Variants in INPP5J observed in about 807,000 individuals in gnomAD.
INPP5J encodes phosphatidylinositol 4,5-bisphosphate 5-phosphatase A.
INPP5J carries 75 observed loss-of-function variants against 86.6 expected under a neutral mutation model. That is an observed-to-expected ratio of 0.87 (90% CI 0.72 to 1.05). The LOEUF (loss-of-function observed/expected upper bound fraction) is 1.05, where lower values mean the gene tolerates loss of function less well. INPP5J is among the 50% of genes least tolerant of loss of function. The probability of loss-of-function intolerance (pLI) is 0.00; values close to 1 mark genes in which losing one functional copy is unlikely to be tolerated. For missense variants in INPP5J, 1,229 were observed against 1,341.2 expected (o/e 0.92, Z 1.31); for synonymous variants, 540 against 550.0 (o/e 0.98, Z 0.25).
At chr22:31,132,549 G>A (rs1166124956) in intron 9 of INPP5J, among the ~76,000 whole-genome samples, 1 of 152,046 alleles carries the variant, frequency 6.6e-6, no homozygotes, top group Non-Finnish European at 1.5e-5. Flanking sequence ...AGAACAGCCT[G>A]GCCAACATGG....
At chr22:31,132,760 AG>A (rs1466210874) in intron 9 of INPP5J, among the ~76,000 whole-genome samples, 1 of 144,272 alleles carries the variant, frequency 6.9e-6, no homozygotes. Flanking sequence ...AAAAAAAAAA[AG>A]AGTCTCTGAG....
At position 31,134,678 on chromosome 22, in the gene INPP5J, A is replaced by G; in HGVS notation, c.*259A>G. The G allele has an allele frequency of 2.5e-6, 1 of 401,078 alleles. No individual in the cohort carries two copies. The highest frequency in any genetic ancestry group is 4.4e-6 in the Non-Finnish European group (1 of 227,600). 24.8% of individuals were successfully genotyped at this position (401,078 alleles called of 1,614,324 possible). A position where few individuals can be genotyped will look rare whatever the true frequency, so the allele number is the denominator to read the frequency against. Reference sequence around the variant, plus strand: ...CCAATCCTGGAGGTCATCCATTAGGAATTAAATTCTCCAGCCTCACTCTCG... The same window carrying G: ...CCAATCCTGGAGGTCATCCATTAGGGATTAAATTCTCCAGCCTCACTCTCG... On this transcript the variant is annotated 3_prime_UTR_variant, in exon 13 of 13. Transcript: ENST00000331075.
At position 31,126,711 on chromosome 22, in the gene INPP5J, A is replaced by G. The variant is rs1272883789; in HGVS notation, c.1484A>G (p.Asn495Ser). The G allele has an allele frequency of 3.1e-6, 5 of 1,613,304 alleles. No homozygotes were observed. The highest frequency in any genetic ancestry group is 1.7e-5 in the Admixed American group (1 of 60,018). ...ELFMDALGPFNFVLVSSVRMQ... is the reference protein window; with the variant it reads ...ELFMDALGPFSFVLVSSVRMQ... The stretch of plus-strand genomic sequence containing the variant: ...TTCATGGATGCGCTAGGGCCCTTCA[A>G]CTTCGTGCTGGTAACGCACCCCTCA... The change falls in exon 4 of 13, where the codon AAC (asparagine) becomes AGC (serine). Residue 495 changes from asparagine (N) to serine (S), a missense_variant. By Grantham distance (46) the Asn-to-Ser change is conservative. Coordinates refer to ENST00000331075, the MANE Select transcript of INPP5J (RefSeq NM_001284285.2).
At chr22:31,129,332 C>T (rs1602738530) in intron 9 of INPP5J, among the ~76,000 whole-genome samples, 3 of 150,076 alleles carry the variant, frequency 2.0e-5, no homozygotes, top group South Asian at 4.2e-4. Context: ...CCACCATCTC[C>T]TGGGTCCAAG....
chr22:31,130,528 AT>A (rs1264149296), intron 9 of INPP5J, among the ~76,000 whole-genome samples: 1 of 151,978 alleles, frequency 6.6e-6, no homozygotes, highest in Non-Finnish European at 1.5e-5. Flanking sequence ...AAAAAAAAAA[AT>A]TCACATATGC....
Position 31,133,190 on chromosome 22 carries a change from A to G in INPP5J, c.2286A>G (p.Glu762=), listed in dbSNP as rs747765592. Residue 762 remains glutamate, a synonymous_variant, in exon 10 of 13, where the codon GAA becomes GAG. Coordinates refer to ENST00000331075, the MANE Select transcript of INPP5J (RefSeq NM_001284285.2). ...AGGCGGTGGTGAGGTACCGCATGGA[A>G]ACAGTGTTCGCCCGCAGCTCCTGGG... ...PEQAVVRYRM[E]TVFARSSWDW... 9 of 1,600,238 alleles carry G rather than the reference A, an allele frequency of 5.6e-6. No individual in the cohort carries two copies. The highest frequency in any genetic ancestry group is 7.7e-6 in the Non-Finnish European group (9 of 1,174,318).
chr22:31,125,809 A>G lies in INPP5J; in HGVS notation c.1070A>G (p.Asn357Ser). Reference sequence around the variant, plus strand: ...AGCCGTTCCCCAAGCCACTCCCCGAATCGCTCTCCCTGTGTTCCCCCAGCC... The same window carrying G: ...AGCCGTTCCCCAAGCCACTCCCCGAGTCGCTCTCCCTGTGTTCCCCCAGCC... Reference protein sequence around the residue: ...SPSRSPSHSPNRSPCVPPAPD... With the variant: ...SPSRSPSHSPSRSPCVPPAPD... Residue 357 changes from asparagine to serine, a missense_variant, in exon 2 of 13, where the codon AAT becomes AGT. Asn to Ser is a conservative substitution (Grantham distance 46). Coordinates refer to ENST00000331075, the MANE Select transcript of INPP5J (RefSeq NM_001284285.2). 6.3e-7 allele frequency: 1 copy of G among 1,594,104 alleles called. No homozygotes were observed. Among genetic ancestry groups the G allele is most frequent in the Non-Finnish European group, 8.5e-7 (1 of 1,170,760 alleles).
At chr22:31,126,218 G>A (rs144190644) in intron 2 of INPP5J, 158 bp from the exon 3 acceptor site, 15,155 of 780,312 alleles carry the variant, frequency 0.019, 204 homozygotes, top group Non-Finnish European at 0.024. Flanking sequence ...CCCAGGGAGA[G>A]TGTGGCAGAG....
Position 31,134,179 on chromosome 22 carries a change from G to A in INPP5J, c.2781G>A (p.Arg927=), listed in dbSNP as rs1362659498. The change falls in exon 13 of 13, where the codon AGG becomes AGA. Residue 927 remains arginine (R), a synonymous_variant. Transcript: ENST00000331075. The part of the protein sequence containing the change: ...SRRLSRVAPD[R]SSNGSSRGSS... ...GCCTGTCCCGAGTGGCTCCTGACAG[G>A]AGCAGTAATGGCAGCAGCCGGGGCA... is the stretch of plus-strand genomic sequence containing the variant. 5 of 1,549,800 alleles carry A rather than the reference G, an allele frequency of 3.2e-6. No homozygotes were observed. The African/African-American group carries it at 4.1e-5, about 13-fold the overall frequency.
In INPP5J at chr22:31,122,969, G is replaced by C. The variant is rs1401547247; in HGVS notation, c.-46G>C. On this transcript the variant is annotated 5_prime_UTR_variant, in exon 1 of 13. Coordinates refer to ENST00000331075, the MANE Select transcript of INPP5J (RefSeq NM_001284285.2). Reference sequence around the variant, plus strand: ...ATCACTGGTTCCCGGGAGCGGTAGAGCTGGAGCCGGAGCCAAGGGAGTCCA... The same window carrying C: ...ATCACTGGTTCCCGGGAGCGGTAGACCTGGAGCCGGAGCCAAGGGAGTCCA... 7.8e-7 allele frequency: 1 copy of C among 1,277,502 alleles called. No homozygotes were observed. The highest frequency in any genetic ancestry group is 1.0e-6 in the Non-Finnish European group (1 of 970,368). 79.1% of individuals were successfully genotyped at this position (1,277,502 alleles called of 1,614,324 possible). A position where few individuals can be genotyped will look rare whatever the true frequency, so the allele number is the denominator to read the frequency against.
Position 31,134,357 on chromosome 22 carries a change from A to G in INPP5J, c.2959A>G (p.Asn987Asp). The change falls in exon 13 of 13, where the codon AAC becomes GAC. Residue 987 changes from asparagine to aspartate, a missense_variant. Physicochemically the swap from Asn to Asp is conservative, Grantham distance 23 (BLOSUM62 1). Transcript: ENST00000331075. ...WGPDREALAP[N>D]SLSPSPQGHR... ...ACCTGATCGGGAGGCCCTGGCGCCC[A>G]ACAGCCTGTCTCCTAGTCCCCAGGG... 6.5e-7 allele frequency: 1 copy of G among 1,531,586 alleles called. No homozygotes were observed. Among genetic ancestry groups the G allele is most frequent in the Non-Finnish European group, 8.8e-7 (1 of 1,138,992 alleles). The allele number at this position is 1,531,586 out of a possible 1,614,324, so 94.9% of individuals were successfully genotyped here.
Position 31,124,893 on chromosome 22 carries a change from C to T in INPP5J, c.154C>T (p.Pro52Ser), listed in dbSNP as rs770105615. 18 of 1,613,806 alleles carry T rather than the reference C, an allele frequency of 1.1e-5. No individual in the cohort carries two copies. The highest frequency in any genetic ancestry group is 7.6e-6 in the Non-Finnish European group (9 of 1,179,864). The change falls in exon 2 of 13, where the codon CCC becomes TCC. Residue 52 changes from proline to serine, a missense_variant. Transcript: ENST00000331075. The part of the protein sequence containing the change: ...LPAKKNAALG[P>S]SEPRLALAPV... ...AGCAAAGAAGAACGCAGCCCTAGGA[C>T]CCTCGGAACCAAGGTTGGCTCTGGC...
At chr22:31,132,333 G>C (rs1182776388) in intron 9 of INPP5J, among the ~76,000 whole-genome samples, 1 of 152,190 alleles carries the variant, frequency 6.6e-6, no homozygotes, top group Non-Finnish European at 1.5e-5. Flanking sequence ...TTCCTTGCTA[G>C]CATAGAGACA....
Position 31,133,208 on chromosome 22 carries a change from C to T in INPP5J, c.2304C>T (p.Ser768=), listed in dbSNP as rs774566409. 6.2e-7 allele frequency: 1 copy of T among 1,605,822 alleles called. No homozygotes were observed. Among genetic ancestry groups the T allele is most frequent in the South Asian group, 1.1e-5 (1 of 89,420 alleles). The change falls in exon 10 of 13, where the codon AGC becomes AGT. Residue 768 remains serine, a synonymous_variant. Coordinates refer to ENST00000331075, the MANE Select transcript of INPP5J (RefSeq NM_001284285.2). ...GCATGGAAACAGTGTTCGCCCGCAGCTCCTGGGACTGGATCGGCTTATACC... is the reference window on the plus strand; with the variant it reads ...GCATGGAAACAGTGTTCGCCCGCAGTTCCTGGGACTGGATCGGCTTATACC... ...RYRMETVFAR[S]SWDWIGLYRV... is the part of the protein sequence containing the mutation.
chr22:31,126,784 C>A, intron 4 of INPP5J, 63 bp downstream of exon 4: 1 of 1,506,654 alleles, frequency 6.6e-7, no homozygotes, highest in Non-Finnish European at 9.2e-7. Context: ...TCCAGCTGTA[C>A]CCTGGCTCAC....
Position 31,134,013 on chromosome 22 carries a change from A to T in INPP5J, c.2615A>T (p.Lys872Met). ...DDSTLELLAP[K>M]SRSPSPGKSK... ...AGCACACTGGAGCTCCTTGCACCCA[A>T]GTCCCGCAGCCCCAGTCCTGGCAAG... The change falls in exon 13 of 13, where the codon AAG (lysine) becomes ATG (methionine). Residue 872 changes from lysine (K) to methionine (M), a missense_variant. Physicochemically the swap from Lys to Met is moderately conservative, Grantham distance 95. Transcript: ENST00000331075. 2 of 1,610,220 alleles carry T rather than the reference A, an allele frequency of 1.2e-6. No individual in the cohort carries two copies. Among genetic ancestry groups the T allele is most frequent in the Non-Finnish European group, 1.7e-6 (2 of 1,178,804 alleles).
rs1227439252 is a variant in INPP5J, at chr22:31,125,675, T to C, written c.936T>C (p.Pro312=). The C allele has an allele frequency of 3.9e-6, 6 of 1,550,528 alleles. No homozygotes were observed. The highest frequency in any genetic ancestry group is 5.2e-6 in the Non-Finnish European group (6 of 1,146,920). ...TGCCCTTGGATGTGGGCCAGGGTCC[T>C]TCAGAGCCTGGCACTCACTCCCCTG... ...QTLPLDVGQG[P]SEPGTHSPGL... The change falls in exon 2 of 13, where the codon CCT becomes CCC. Residue 312 remains proline (P), a synonymous_variant. Transcript: ENST00000331075.
chr22:31,130,112 TG>T (rs1404313101), intron 9 of INPP5J, among the ~76,000 whole-genome samples: 2 of 151,822 alleles, frequency 1.3e-5, no homozygotes, highest in East Asian at 3.9e-4. Context: ...GAGGCTGATG[TG>T]GGCGGATCAC....
chr22:31,132,322 C>T (rs1469993268), intron 9 of INPP5J, among the ~76,000 whole-genome samples: 1 of 152,184 alleles, frequency 6.6e-6, no homozygotes. Context: ...TTTTATTGGT[C>T]TTCCTTGCTA....
Sources: gnomAD v4.1 joint callset for allele counts (sites outside exome capture counted in the v4.1 genomes callset) on GRCh38, gnomAD v4.1.1 for gene constraint, MANE v1.5 for transcripts, NCBI Gene and HGNC (gene_info 2026-07-23, HGNC 2026-07-21) for gene names.